The following MEI4 variants were observed in gnomAD, a reference collection of about 807,000 sequenced individuals.
The protein encoded by MEI4 is meiotic double-stranded break formation protein 4, also known as meiosis-specific protein MEI4.
In MEI4, 27 loss-of-function variants were observed where a neutral mutation model predicts 31.4. That is an observed-to-expected ratio of 0.86 (90% CI 0.63 to 1.19). The LOEUF is 1.19. Ranked by LOEUF, MEI4 falls within the 50% of genes most tolerant of loss-of-function variation. The pLI, the probability that MEI4 is intolerant of heterozygous loss-of-function variation, is 0.00. For missense variants in MEI4, 329 were observed against 398.9 expected (o/e 0.82, Z 1.49); for synonymous variants, 122 against 145.4 (o/e 0.84, Z 1.16).
chr6:77,862,494 G>A (rs1770892607), intron 4 of MEI4, among the ~76,000 whole-genome samples: 1 of 152,212 alleles, frequency 6.6e-6, no homozygotes, highest in African/African-American at 2.4e-5. Flanking sequence ...AGCAGTCTGA[G>A]ATCAAACTGC....
intron 2 of MEI4, among the ~76,000 whole-genome samples, chr6:77,737,644 A>G (rs1421739109): frequency 1.3e-5 from 2 of 152,056 alleles, no homozygotes; most frequent in Non-Finnish European, 2.9e-5. Context: ...ATAACATGGA[A>G]TAAATAAGCC....
At chr6:77,890,842 G>A (rs1398205759) in intron 4 of MEI4, among the ~76,000 whole-genome samples, 2 of 152,094 alleles carry the variant, frequency 1.3e-5, no homozygotes, top group African/African-American at 2.4e-5. Flanking sequence ...GGCTTTATAA[G>A]GGGCTTTTCC....
intron 4 of MEI4, among the ~76,000 whole-genome samples, chr6:77,833,897 G>A (rs962343917): frequency 2.0e-5 from 3 of 152,122 alleles, no homozygotes; most frequent in African/African-American, 7.2e-5. Context: ...TTGGTTTTCT[G>A]TTCCTGTGTT....
At chr6:77,669,121 C>A (rs1208818734) in intron 1 of MEI4, among the ~76,000 whole-genome samples, 1 of 152,000 alleles carries the variant, frequency 6.6e-6, no homozygotes, top group Non-Finnish European at 1.5e-5. Context: ...AATACTTGCC[C>A]CCATTAATAA....
chr6:77,700,582 G>T (rs555940643), intron 2 of MEI4, among the ~76,000 whole-genome samples: 1 of 152,282 alleles, frequency 6.6e-6, no homozygotes, highest in South Asian at 2.1e-4. Flanking sequence ...GCTCACATAC[G>T]GTGTGCTGCA....
At chr6:77,786,067 ACTATTC>A (rs1768727541) in intron 3 of MEI4, among the ~76,000 whole-genome samples, 1 of 152,152 alleles carries the variant, frequency 6.6e-6, no homozygotes, top group African/African-American at 2.4e-5. Context: ...TCAGGTATCC[ACTATTC>A]CTGTTTAAAA....
chr6:77,845,770 TG>T (rs1169087485), intron 4 of MEI4, among the ~76,000 whole-genome samples: 2 of 95,254 alleles, frequency 2.1e-5, no homozygotes, highest in African/African-American at 1.2e-4. Context: ...ATGTTCTTCC[TG>T]TTTATATATC....
At chr6:77,659,433 T>C (rs1562195081) in intron 1 of MEI4, among the ~76,000 whole-genome samples, 2 of 152,156 alleles carry the variant, frequency 1.3e-5, no homozygotes. Flanking sequence ...GGGTGTCTTG[T>C]ACCCAGATTC....
intron 1 of MEI4, among the ~76,000 whole-genome samples, chr6:77,684,575 A>T (rs753810123): frequency 1.3e-5 from 2 of 151,992 alleles, no homozygotes; most frequent in Non-Finnish European, 2.9e-5. Context: ...TGACTTTTAG[A>T]TCCCACAAAT....
chr6:77,722,173 A>G (rs1766723132), intron 2 of MEI4, among the ~76,000 whole-genome samples: 1 of 148,282 alleles, frequency 6.7e-6, no homozygotes, highest in Non-Finnish European at 1.5e-5. Context: ...TCATGGCCGG[A>G]GAGGGCAACC....
intron 3 of MEI4, among the ~76,000 whole-genome samples, chr6:77,807,932 G>T (rs753190639): frequency 2.0e-5 from 3 of 152,124 alleles, no homozygotes; most frequent in Non-Finnish European, 4.4e-5. Flanking sequence ...TTCGACCATT[G>T]CATCTTTTTG....
chr6:77,735,206 C>T (rs1767151694), intron 2 of MEI4, among the ~76,000 whole-genome samples: 1 of 152,040 alleles, frequency 6.6e-6, no homozygotes, highest in Admixed American at 6.5e-5. Context: ...GGAAGTTCTC[C>T]TGGATAATAT....
rs563661913 is a variant in MEI4, at chr6:77,713,470, A to C, written c.232+22567A>C. Among the ~76,000 whole-genome samples the C allele has an allele frequency of 1.4e-3, 213 of 152,312 alleles. 1 individual carries two copies. The highest frequency in any genetic ancestry group is 4.5e-3 in the African/African-American group (187 of 41,572). On this transcript the variant is annotated intron_variant, in intron 2 of 4. Transcript: ENST00000684080. Reference sequence around the variant, plus strand: ...TGTTAAGTAGATTATGTTGTGGAAAAGGGTAGGGCAAATATTTAAGAGTGT... The same window carrying C: ...TGTTAAGTAGATTATGTTGTGGAAACGGGTAGGGCAAATATTTAAGAGTGT...
rs558664444 is a variant in MEI4 at position 77,709,340 on chromosome 6, G to T, written c.232+18437G>T. Among the ~76,000 whole-genome samples the T allele has an allele frequency of 3.5e-4, 54 of 152,260 alleles. 1 individual carries two copies. The highest frequency in any genetic ancestry group is 1.3e-3 in the African/African-American group (52 of 41,558). ...TAGGTTGCATTTGTGTCCTCTTGTG[G>T]TGCTGGATTCCATGAGATCTTGTAC... is the stretch of plus-strand genomic sequence containing the variant. On this transcript the variant is annotated intron_variant, in intron 2 of 4. Transcript: ENST00000684080.
intron 4 of MEI4, among the ~76,000 whole-genome samples, chr6:77,872,846 T>A (rs1771231706): frequency 6.6e-6 from 1 of 150,642 alleles, no homozygotes; most frequent in South Asian, 2.1e-4. Flanking sequence ...TTTTTTGTCC[T>A]TGCAATAGTT....
At chr6:77,751,776 A>T (rs1199305979) in intron 2 of MEI4, among the ~76,000 whole-genome samples, 1 of 152,178 alleles carries the variant, frequency 6.6e-6, no homozygotes, top group Non-Finnish European at 1.5e-5. Flanking sequence ...TGAGGCCAGC[A>T]TCATCCTGAT....
At chr6:77,687,416 C>T (rs912107046) in intron 1 of MEI4, among the ~76,000 whole-genome samples, 4 of 152,032 alleles carry the variant, frequency 2.6e-5, no homozygotes, top group African/African-American at 9.7e-5. Context: ...GGGGTGTTTT[C>T]CAGTAGCAAC....
At chr6:77,815,414 A>C (rs1769666483) in intron 3 of MEI4, among the ~76,000 whole-genome samples, 1 of 152,146 alleles carries the variant, frequency 6.6e-6, no homozygotes, top group African/African-American at 2.4e-5. Context: ...ATTAAATCAT[A>C]ATTTAATAGA....
chr6:77,742,533 A>T (rs1767440366), intron 2 of MEI4, among the ~76,000 whole-genome samples: 1 of 152,076 alleles, frequency 6.6e-6, no homozygotes, highest in Non-Finnish European at 1.5e-5. Context: ...CCTTGGTGAG[A>T]TGAGTAGTTT....
Sources: allele counts gnomAD v4.1 joint callset (sites outside exome capture counted in the v4.1 genomes callset), GRCh38; gene constraint gnomAD v4.1.1; transcripts MANE v1.5; gene names NCBI Gene and HGNC (gene_info 2026-07-23, HGNC 2026-07-21).